The following SDK2 variants were observed in gnomAD, a reference collection of about 807,000 sequenced individuals.
SDK2 encodes the protein protein sidekick-2.
In SDK2, 105 loss-of-function variants were observed where a neutral mutation model predicts 253.9. That is an observed-to-expected ratio of 0.41 (90% CI 0.35 to 0.49). The LOEUF is 0.49. Ranked by LOEUF, SDK2 falls within the 20% of genes least tolerant of loss-of-function variation. SDK2 has a pLI of 0.06. For synonymous variants in SDK2, 1,249 were observed against 1,234.9 expected, an observed-to-expected ratio of 1.01 and a Z score of -0.24; for missense variants, 2,608 against 3,003.0, an observed-to-expected ratio of 0.87 and a Z score of 3.07.
In SDK2 at chr17:73,435,728, C is replaced by T. The variant is rs878897416; in HGVS notation, c.1001-84G>A. On this transcript the variant is annotated intron_variant, in intron 8 of 44. Coordinates refer to ENST00000392650, the MANE Select transcript of SDK2 (RefSeq NM_001144952.2). The surrounding 1 kb of genome is among the most constrained non-coding windows in gnomAD (Gnocchi z 5.7). ...GGGGTGCTTGGGAGGAGGCCGGGCC[C>T]GGAAATCTGCGAGGGGGTCCCTGGT... The T allele has an allele frequency of 1.8e-5, 23 of 1,258,640 alleles. No homozygotes were observed. The highest frequency in any genetic ancestry group is 5.2e-5 in the East Asian group (2 of 38,290). 78.0% of individuals were successfully genotyped at this position (1,258,640 alleles called of 1,614,324 possible). A position where few individuals can be genotyped will look rare whatever the true frequency, so the allele number is the denominator to read the frequency against.
rs2063607082 is a variant in SDK2, at chr17:73,467,115, G to T, written c.331+4997C>A. On this transcript the variant is annotated intron_variant, in intron 3 of 44. Transcript: ENST00000392650. This position sits in a 1 kb window ranked among gnomAD's most constrained non-coding sequence, Gnocchi z 4.1. ...TAGAGTCTACCCCACCCCACCCGCT[G>T]GCACTAGACATTCACCCTAGGTGGG... Among the ~76,000 whole-genome samples the T allele has an allele frequency of 6.6e-6, 1 of 152,068 alleles. No individual in the cohort carries two copies. Among genetic ancestry groups the T allele is most frequent in the Admixed American group, 6.5e-5 (1 of 15,270 alleles).
chr17:73,631,019 G>A lies in SDK2; in HGVS notation c.64+13006C>T, dbSNP rs73996610. On this transcript the variant is annotated intron_variant, in intron 1 of 44. Transcript: ENST00000392650. Reference sequence around the variant, plus strand: ...TGTCTTCGTGGGGCTCTGGGACAGAGGAGCATGGGCAGTGGACAGAGCTCT... The same window carrying A: ...TGTCTTCGTGGGGCTCTGGGACAGAAGAGCATGGGCAGTGGACAGAGCTCT... Among the ~76,000 whole-genome samples, 177 of 152,278 alleles carry A rather than the reference G, an allele frequency of 1.2e-3. 2 individuals carry two copies. Among genetic ancestry groups the A allele is most frequent in the African/African-American group, 4.0e-3 (167 of 41,542 alleles).
At chr17:73,453,720 G>A (rs557096576) in intron 4 of SDK2, among the ~76,000 whole-genome samples, 3 of 152,274 alleles carry the variant, frequency 2.0e-5, no homozygotes, top group Non-Finnish European at 4.4e-5. Context: ...GCTGTGGGTA[G>A]CTGATACATA....
rs562732661 is a variant in SDK2 at position 73,509,670 on chromosome 17, A to G, written c.65-2073T>C. On this transcript the variant is annotated intron_variant, in intron 1 of 44. Coordinates refer to ENST00000392650, the MANE Select transcript of SDK2 (RefSeq NM_001144952.2). ...AGAAGGAAAGTTGGGAGGCTGAGGC[A>G]GGTGGATTGCCTGAGATCAGGAGTA... Among the ~76,000 whole-genome samples, 138 of 150,736 alleles carry G rather than the reference A, an allele frequency of 9.2e-4. 1 individual carries two copies. Among genetic ancestry groups the G allele is most frequent in the African/African-American group, 3.1e-3 (126 of 41,062 alleles).
chr17:73,400,359 G>A (rs1185528154), intron 21 of SDK2, among the ~76,000 whole-genome samples: 1 of 152,234 alleles, frequency 6.6e-6, no homozygotes, highest in Non-Finnish European at 1.5e-5. Flanking sequence ...ATCCAAGGTG[G>A]ACCCTCTGGG....
At position 73,435,458 on chromosome 17, in the gene SDK2, G is replaced by T; in HGVS notation, c.1187C>A (p.Ala396Asp). 6.3e-7 allele frequency: 1 copy of T among 1,591,878 alleles called. No individual in the cohort carries two copies. The highest frequency in any genetic ancestry group is 8.6e-7 in the Non-Finnish European group (1 of 1,168,662). Reference protein sequence around the residue: ...AGEVQTSTYLAVTSIAPNITR... With the variant: ...AGEVQTSTYLDVTSIAPNITR... The stretch of plus-strand genomic sequence containing the variant: ...GGGAAGGCCCAACTTACTGGTGACA[G>T]CCAGGTAGGTGGAAGTTTGCACCTC... The change falls in exon 9 of 45, where the codon GCT (alanine) becomes GAT (aspartate). Residue 396 changes from alanine (A) to aspartate (D), a missense_variant. Transcript: ENST00000392650. This position sits in a 1 kb window ranked among gnomAD's most constrained non-coding sequence, Gnocchi z 5.7.
At chr17:73,567,144 A>G (rs1289821642) in intron 1 of SDK2, among the ~76,000 whole-genome samples, 3 of 152,222 alleles carry the variant, frequency 2.0e-5, no homozygotes, top group Non-Finnish European at 4.4e-5. Context: ...CCAGGCCTGG[A>G]TCCCTGCTGC....
At chr17:73,441,504 G>A (rs1205045974) in intron 5 of SDK2, among the ~76,000 whole-genome samples, 1 of 152,200 alleles carries the variant, frequency 6.6e-6, no homozygotes, top group Admixed American at 6.5e-5. Flanking sequence ...CTTGTAAGAA[G>A]AGGGAAATTG....
chr17:73,368,288 T>A (rs1369600810), intron 37 of SDK2, 119 bp downstream of exon 37: 3 of 931,042 alleles, frequency 3.2e-6, no homozygotes, highest in Admixed American at 3.5e-5. Context: ...CACGACCAGA[T>A]CCTCAGGCGG....
rs754418602 is a variant in SDK2 at position 73,379,558 on chromosome 17, G to A, written c.4763-9C>T. 2 of 1,561,076 alleles carry A rather than the reference G, an allele frequency of 1.3e-6. No homozygotes were observed. Among genetic ancestry groups the A allele is most frequent in the South Asian group, 2.3e-5 (2 of 88,550 alleles). ...CCTGTGCTTGTTCAGGTCTGTGGGGGAGAGTGGGGGAGGGGAAGCACACTG... is the reference window on the plus strand; with the variant it reads ...CCTGTGCTTGTTCAGGTCTGTGGGGAAGAGTGGGGGAGGGGAAGCACACTG... On this transcript the variant is annotated splice_polypyrimidine_tract_variant and intron_variant, in intron 34 of 44. Transcript: ENST00000392650. This position sits in a 1 kb window ranked among gnomAD's most constrained non-coding sequence, Gnocchi z 4.5.
At chr17:73,375,516 G>C (rs1388974790) in intron 36 of SDK2, among the ~76,000 whole-genome samples, 1 of 152,028 alleles carries the variant, frequency 6.6e-6, no homozygotes, top group East Asian at 1.9e-4. Context: ...CAAAGCGCCA[G>C]GATTACAGTT....
chr17:73,352,525 C>A lies in SDK2; in HGVS notation c.5706G>T (p.Ala1902=). The change falls in exon 41 of 45, where the codon GCG becomes GCT. Residue 1902 remains alanine (A), a synonymous_variant. Transcript: ENST00000392650. This position sits in a 1 kb window ranked among gnomAD's most constrained non-coding sequence, Gnocchi z 4.1. Reference sequence around the variant, plus strand: ...GGGTGCCGAAACCATAGTCGTTGACCGCGATGACCCGGAAGTCATAGCTCA... The same window carrying A: ...GGGTGCCGAAACCATAGTCGTTGACAGCGATGACCCGGAAGTCATAGCTCA... ...PGVSYDFRVI[A]VNDYGFGTPS... is the part of the protein sequence containing the mutation. The A allele has an allele frequency of 6.2e-7, 1 of 1,613,960 alleles. No homozygotes were observed. The highest frequency in any genetic ancestry group is 8.5e-7 in the Non-Finnish European group (1 of 1,179,868).
chr17:73,405,505 TATATATATATATAA>T (rs1309889931), intron 18 of SDK2, among the ~76,000 whole-genome samples: 15 of 58,830 alleles, frequency 2.5e-4, no homozygotes, highest in African/African-American at 9.6e-4. Context: ...TATATATATA[TATATATATATATAA>T]AGATCGAGAA....
At position 73,435,662 on chromosome 17, in the gene SDK2, G is replaced by A; in HGVS notation, c.1001-18C>T. 2.0e-6 allele frequency: 3 copies of A among 1,531,060 alleles called. No homozygotes were observed. The highest frequency in any genetic ancestry group is 2.5e-5 in the East Asian group (1 of 40,694). 94.8% of individuals were successfully genotyped at this position (1,531,060 alleles called of 1,614,324 possible). On this transcript the variant is annotated intron_variant, in intron 8 of 44. Coordinates refer to ENST00000392650, the MANE Select transcript of SDK2 (RefSeq NM_001144952.2). This position sits in a 1 kb window ranked among gnomAD's most constrained non-coding sequence, Gnocchi z 5.7. ...CGGCACACCTGTGGGCAAGACGTGG[G>A]CCCACCGTCAACCTGCCTCCTGCCT...
At chr17:73,606,962 T>C (rs563844691) in intron 1 of SDK2, among the ~76,000 whole-genome samples, 14 of 152,154 alleles carry the variant, frequency 9.2e-5, no homozygotes, top group Non-Finnish European at 2.1e-4. Flanking sequence ...AGCATTGGAA[T>C]GGCCCAAGAG....
chr17:73,468,169 A>G (rs181546075), intron 3 of SDK2, among the ~76,000 whole-genome samples: 9 of 152,286 alleles, frequency 5.9e-5, no homozygotes, highest in Non-Finnish European at 1.3e-4. Context: ...GGAAGGTGCC[A>G]GCCTGCTGCA....
chr17:73,619,629 A>T (rs2046104465), intron 1 of SDK2, among the ~76,000 whole-genome samples: 2 of 152,234 alleles, frequency 1.3e-5, no homozygotes, highest in South Asian at 4.1e-4. Flanking sequence ...GCTGAACCAT[A>T]AAACTCTTAG....
chr17:73,480,510 C>A lies in SDK2; in HGVS notation c.225-8292G>T, dbSNP rs1177135058. On this transcript the variant is annotated intron_variant, in intron 2 of 44. Transcript: ENST00000392650. ...TTGATTGTGGAAGGAGAGGCTCAGGCATGGAAAGGGTTGAGGCAAACAGAG... is the reference window on the plus strand; with the variant it reads ...TTGATTGTGGAAGGAGAGGCTCAGGAATGGAAAGGGTTGAGGCAAACAGAG... Among the ~76,000 whole-genome samples, 5 of 152,228 alleles carry A rather than the reference C, an allele frequency of 3.3e-5. No homozygotes were observed. The East Asian group carries it at 7.7e-4, about 24-fold the overall frequency.
intron 3 of SDK2, among the ~76,000 whole-genome samples, chr17:73,466,092 T>C (rs939523103): frequency 6.6e-6 from 1 of 152,166 alleles, no homozygotes; most frequent in Admixed American, 6.5e-5. Context: ...GTCATGCAAG[T>C]ACGGGGTGAG....
Sources: gnomAD v4.1 joint callset for allele counts (sites outside exome capture counted in the v4.1 genomes callset) on GRCh38, gnomAD v4.1.1 for gene constraint, Gnocchi (gnomAD v3.1) non-coding constraint, MANE v1.5 for transcripts, NCBI Gene and HGNC (gene_info 2026-07-23, HGNC 2026-07-21) for gene names.